Variants in DST observed in about 807,000 individuals in gnomAD.
DST encodes dystonin, also known as bullous pemphigoid antigen.
In DST, 253 loss-of-function variants were observed where a neutral mutation model predicts 875.2. The observed-to-expected ratio is 0.29, with a 90% CI of 0.26 to 0.32. The LOEUF is 0.32. DST is among the 10% of genes least tolerant of loss of function. The pLI is 1.00. For synonymous variants in DST, 3,124 were observed against 3,197.1 expected (o/e 0.98, Z 0.77); for missense variants, 8,287 against 9,111.6 (o/e 0.91, Z 3.68).
intron 88 of DST, chr6:56,484,376 A>G (rs1280442427): frequency 6.6e-6 from 1 of 152,038 alleles, no homozygotes; most frequent in African/African-American, 2.4e-5. Flanking sequence ...CAGGTGTAAC[A>G]AACTCTCTTA....
intron 3 of DST, among the ~76,000 whole-genome samples, chr6:56,876,692 G>A (rs180805475): frequency 1.3e-5 from 2 of 152,282 alleles, no homozygotes; most frequent in African/African-American, 2.4e-5. Flanking sequence ...ACTCAATGAA[G>A]CAGCTTAATC....
intron 61 of DST, among the ~76,000 whole-genome samples, chr6:56,545,931 TA>T (rs2097213324): frequency 1.3e-5 from 2 of 152,168 alleles, no homozygotes; most frequent in Admixed American, 1.3e-4. Flanking sequence ...AGCCATTAGC[TA>T]ATGAAAACTG....
chr6:56,930,161 G>C (rs1343888338), intron 2 of DST, among the ~76,000 whole-genome samples: 1 of 152,172 alleles, frequency 6.6e-6, no homozygotes, highest in African/African-American at 2.4e-5. Context: ...GCAGACCTCT[G>C]GCCTCATCTT....
At chr6:56,748,549 C>T (rs1401108611) in intron 4 of DST, among the ~76,000 whole-genome samples, 1 of 152,214 alleles carries the variant, frequency 6.6e-6, no homozygotes, top group Non-Finnish European at 1.5e-5. Flanking sequence ...AAGAAATACA[C>T]TGGCTTCCTA....
intron 91 of DST, among the ~76,000 whole-genome samples, chr6:56,476,782 T>C (rs1043453007): frequency 1.3e-5 from 2 of 151,646 alleles, no homozygotes; most frequent in Admixed American, 1.3e-4. Flanking sequence ...TGAAACCATC[T>C]CTACTAAAAA....
intron 13 of DST, among the ~76,000 whole-genome samples, chr6:56,646,691 T>C (rs910097329): frequency 2.6e-5 from 4 of 152,194 alleles, no homozygotes; most frequent in African/African-American, 9.6e-5. Context: ...TTAAACAGAT[T>C]TTTTGAACAA....
intron 3 of DST, among the ~76,000 whole-genome samples, chr6:56,856,354 A>T (rs775034294): frequency 1.1e-4 from 16 of 152,234 alleles, no homozygotes; most frequent in Non-Finnish European, 1.3e-4. Context: ...AAGTGCAGAG[A>T]CAAGGGTTTG....
Position 56,515,567 on chromosome 6 carries a change from G to T in DST, c.18459C>A (p.Phe6153Leu), listed in dbSNP as rs755497915. ...LERAQSLVNQ[F>L]WETYEELWPW... ...GCCAAAGTTCTTCATATGTTTCCCA[G>T]AATTGGTTAACCAGGGACTGTGCCC... Residue 6153 changes from phenylalanine (F) to leucine (L), a missense_variant, in exon 72 of 104, where the codon TTC becomes TTA. Phe to Leu is a conservative substitution (Grantham distance 22). Around this residue, in one of 10 missense-constraint regions of DST, gnomAD observed 1,292 missense variants for 1,552.7 expected, o/e 0.83. Transcript: ENST00000680361. 17 of 1,613,910 alleles carry T rather than the reference G, an allele frequency of 1.1e-5. No individual in the cohort carries two copies. The highest frequency in any genetic ancestry group is 1.4e-5 in the Non-Finnish European group (17 of 1,179,834).
intron 2 of DST, among the ~76,000 whole-genome samples, chr6:56,941,346 A>G (rs1816449698): frequency 6.6e-6 from 1 of 151,988 alleles, no homozygotes; most frequent in Non-Finnish European, 1.5e-5. Context: ...AATATTTGAG[A>G]TTTTCTTGGA....
At chr6:56,465,672 T>C (rs901770439) in intron 99 of DST, among the ~76,000 whole-genome samples, 1 of 152,150 alleles carries the variant, frequency 6.6e-6, no homozygotes, top group Non-Finnish European at 1.5e-5. Flanking sequence ...CATAAAAACT[T>C]TGACCTTTAA....
intron 86 of DST, among the ~76,000 whole-genome samples, chr6:56,488,500 G>A (rs1174870466): frequency 1.3e-5 from 2 of 152,158 alleles, no homozygotes. Flanking sequence ...AGCAGAGCAA[G>A]CCATTCATTA....
At chr6:56,588,907 T>C (rs540885627) in intron 49 of DST, among the ~76,000 whole-genome samples, 1 of 152,262 alleles carries the variant, frequency 6.6e-6, no homozygotes, top group South Asian at 2.1e-4. Flanking sequence ...AAAATTCTCC[T>C]AGCAGTTTAA....
Position 56,535,132 on chromosome 6 carries a change from T to C in DST, c.16931A>G (p.Gln5644Arg). The C allele has an allele frequency of 1.9e-6, 3 of 1,613,456 alleles. No individual in the cohort carries two copies. Among genetic ancestry groups the C allele is most frequent in the Non-Finnish European group, 2.5e-6 (3 of 1,179,760 alleles). Residue 5644 changes from glutamine to arginine, a missense_variant, in exon 63 of 104, where the codon CAA (glutamine) becomes CGA (arginine). Gln to Arg is a conservative substitution (Grantham distance 43, BLOSUM62 1). Transcript: ENST00000680361. ...AEFKVVKAQI[Q>R]EQKLLQRLLD... The stretch of plus-strand genomic sequence containing the variant: ...GCATGACTAACTTACCTTTTGTTCT[T>C]GTATCTGGGCCTTTACCACTTTGAA...
chr6:56,632,023 C>T lies in DST; in HGVS notation c.3823G>A (p.Val1275Ile). 1.2e-6 allele frequency: 2 copies of T among 1,612,662 alleles called. No individual in the cohort carries two copies. The highest frequency in any genetic ancestry group is 8.5e-7 in the Non-Finnish European group (1 of 1,178,764). Residue 1275 changes from valine (V) to isoleucine (I), a missense_variant, in exon 29 of 104, where the codon GTT becomes ATT. Transcript: ENST00000680361. The stretch of plus-strand genomic sequence containing the variant: ...ACTTCAGAGATGTAGAGATTATAAA[C>T]TGATTCCTCTTGCTCCTCTGTGAAA... ...SAEREEQEESVYNLYISEVRN... is the reference protein window; with the variant it reads ...SAEREEQEESIYNLYISEVRN...
In DST at chr6:56,852,589, G is replaced by T. The variant is rs553453692; in HGVS notation, c.418-985C>A. On this transcript the variant is annotated intron_variant, in intron 3 of 103. Transcript: ENST00000680361. ...GATGTTATTCCTTCCTTCTTTGTTG[G>T]GTTGTGTTTGTGATTATTTACAGAG... Among the ~76,000 whole-genome samples the T allele has an allele frequency of 5.9e-5, 9 of 152,214 alleles. No homozygotes were observed. In the South Asian group the frequency reaches 1.7e-3, roughly 28 times the overall value.
Position 56,497,985 on chromosome 6 carries a change from T to C in DST, c.19965A>G (p.Leu6655=), listed in dbSNP as rs1411880077. 4 of 1,613,422 alleles carry C rather than the reference T, an allele frequency of 2.5e-6. No homozygotes were observed. Among genetic ancestry groups the C allele is most frequent in the East Asian group, 4.5e-5 (2 of 44,882 alleles). The change falls in exon 81 of 104, where the codon CTA becomes CTG. Residue 6655 remains leucine (L), a synonymous_variant. Coordinates refer to ENST00000680361, the MANE Select transcript of DST (RefSeq NM_001374736.1). Reference sequence around the variant, plus strand: ...CTTCTTCTCCTGCACTTGATTCAATTAGATCATTTCCTGCTTTATTAACGG... The same window carrying C: ...CTTCTTCTCCTGCACTTGATTCAATCAGATCATTTCCTGCTTTATTAACGG... ...VEAVNKAGND[L]IESSAGEEAS...
intron 4 of DST, among the ~76,000 whole-genome samples, chr6:56,763,684 TACACACACACAC>T (rs553580754): frequency 0.014 from 1,648 of 117,080 alleles, 99 homozygotes; most frequent in Admixed American, 0.12. Context: ...AAAATACCTA[TACACACACACAC>T]ACACACACAC....
chr6:56,663,056 G>A (rs1472795617), intron 10 of DST, among the ~76,000 whole-genome samples: 3 of 152,148 alleles, frequency 2.0e-5, no homozygotes, highest in African/African-American at 7.2e-5. Flanking sequence ...TAGGCAAGAA[G>A]GCCAGGAACA....
At chr6:56,909,628 C>G (rs1008962963) in intron 2 of DST, among the ~76,000 whole-genome samples, 1 of 152,202 alleles carries the variant, frequency 6.6e-6, no homozygotes, top group African/African-American at 2.4e-5. Context: ...CAAACTTTAT[C>G]AAGCATCAGA....
Sources: gnomAD v4.1 joint callset for allele counts (sites outside exome capture counted in the v4.1 genomes callset) on GRCh38, gnomAD v4.1.1 for gene constraint, gnomAD v4.1.1 regional missense constraint, MANE v1.5 for transcripts, NCBI Gene and HGNC (gene_info 2026-07-23, HGNC 2026-07-21) for gene names.